CEACAM21: variants seen among roughly 807,000 people sequenced by gnomAD.
CEACAM21 encodes the protein CEA cell adhesion molecule 21, also known as cell adhesion molecule CEACAM21.
Under a neutral mutation model 33.2 loss-of-function variants are expected in CEACAM21, and 38 were observed. The observed-to-expected ratio is 1.14, with a 90% CI of 0.88 to 1.50. The LOEUF is 1.50. CEACAM21 is among the 40% of genes most tolerant of loss of function. The probability of loss-of-function intolerance (pLI) is 0.00; values close to 1 mark genes in which losing one functional copy is unlikely to be tolerated. For missense variants in CEACAM21, 385 were observed against 364.6 expected, an observed-to-expected ratio of 1.06 and a Z score of -0.46; for synonymous variants, 156 against 143.0, an observed-to-expected ratio of 1.09 and a Z score of -0.65.
intron 2 of CEACAM21, among the ~76,000 whole-genome samples, chr19:41,567,861 T>C (rs1260818895): frequency 6.7e-6 from 1 of 150,180 alleles, no homozygotes; most frequent in Non-Finnish European, 1.5e-5. Flanking sequence ...ATAGTGAGGA[T>C]TGGGAATGTG....
chr19:41,567,453 T>C (rs1462421202), intron 2 of CEACAM21, among the ~76,000 whole-genome samples: 2 of 152,152 alleles, frequency 1.3e-5, no homozygotes, highest in African/African-American at 4.8e-5. Flanking sequence ...GCAGCCCTGT[T>C]TGAATGGTCA....
At chr19:41,567,090 G>T (rs1454995884) in intron 2 of CEACAM21, among the ~76,000 whole-genome samples, 1 of 151,950 alleles carries the variant, frequency 6.6e-6, no homozygotes, top group Non-Finnish European at 1.5e-5. Flanking sequence ...AGATAGGAAT[G>T]GTCCAGGGTG....
chr19:41,585,364 C>G, intron 4 of CEACAM21, 79 bp from the exon 5 acceptor site: 2 of 1,459,532 alleles, frequency 1.4e-6, no homozygotes, highest in Non-Finnish European at 1.9e-6. Context: ...GAAATAGGCT[C>G]CTTTCCTGGT....
At chr19:41,566,795 G>A (rs2042291849) in intron 2 of CEACAM21, among the ~76,000 whole-genome samples, 1 of 152,130 alleles carries the variant, frequency 6.6e-6, no homozygotes, top group Non-Finnish European at 1.5e-5. Context: ...ATTGTTGTCA[G>A]TAAATAAAAA....
chr19:41,578,932 A>C (rs1953341218), intron 2 of CEACAM21, among the ~76,000 whole-genome samples: 1 of 152,218 alleles, frequency 6.6e-6, no homozygotes, highest in South Asian at 2.1e-4. Context: ...ATGAAAAAAG[A>C]AAGGAATAAT....
In CEACAM21 at chr19:41,577,226, C is replaced by A. The variant is rs781969000; in HGVS notation, c.91C>A (p.Pro31Thr). 1 of 1,613,300 alleles carries A rather than the reference C, an allele frequency of 6.2e-7. No individual in the cohort carries two copies. The highest frequency in any genetic ancestry group is 1.7e-5 in the Admixed American group (1 of 59,972). ...CTCACTTTTAACTTTCTGGAACGCA[C>A]CCACCACTGCCTGGCTCTTTATTGC... ...TASLLTFWNA[P>T]TTAWLFIASA... The change falls in exon 2 of 7, where the codon CCC becomes ACC. Residue 31 changes from proline (P) to threonine (T), a missense_variant. Transcript: ENST00000401445.
At chr19:41,568,064 C>G (rs1555788674) in intron 2 of CEACAM21, among the ~76,000 whole-genome samples, 5 of 151,960 alleles carry the variant, frequency 3.3e-5, no homozygotes. Flanking sequence ...GAACAAGTGG[C>G]CTTTGAGGAT....
chr19:41,585,456 A>G lies in CEACAM21; in HGVS notation c.811A>G (p.Ser271Gly), dbSNP rs1193893286. ...GACCTTTCCTAGGGCCAGCGATCAG[A>G]GTGACTTCAGGGAGCAGCAGCCCCC... ...LRKTGRASDQ[S>G]DFREQQPPAS... The change falls in exon 5 of 7, where the codon AGT (serine) becomes GGT (glycine). Residue 271 changes from serine (S) to glycine (G), a missense_variant. Transcript: ENST00000401445. 6 of 1,613,668 alleles carry G rather than the reference A, an allele frequency of 3.7e-6. No homozygotes were observed. Among genetic ancestry groups the G allele is most frequent in the Non-Finnish European group, 5.1e-6 (6 of 1,179,798 alleles).
chr19:41,559,944 G>T (rs1555786416), intron 1 of CEACAM21, among the ~76,000 whole-genome samples: 1 of 152,068 alleles, frequency 6.6e-6, no homozygotes, highest in African/African-American at 2.4e-5. Context: ...TGTGAACAAC[G>T]TTGCATCTCA....
At chr19:41,559,728 A>G (rs2041758064) in intron 1 of CEACAM21, among the ~76,000 whole-genome samples, 1 of 152,238 alleles carries the variant, frequency 6.6e-6, no homozygotes, top group Non-Finnish European at 1.5e-5. Flanking sequence ...CAATGAAAGG[A>G]CACTGAGCAC....
chr19:41,566,722 T>G (rs561910256), intron 2 of CEACAM21, among the ~76,000 whole-genome samples: 1 of 152,332 alleles, frequency 6.6e-6, no homozygotes, highest in African/African-American at 2.4e-5. Flanking sequence ...GAGAATTGGT[T>G]GAGGAGGAGC....
chr19:41,579,406 G>A lies in CEACAM21; in HGVS notation c.478G>A (p.Gly160Ser), dbSNP rs1600260892. 9 of 1,613,930 alleles carry A rather than the reference G, an allele frequency of 5.6e-6. No individual in the cohort carries two copies. In the East Asian group the frequency reaches 1.3e-4, roughly 24 times the overall value. ...QASSTTVTEK[G>S]SVVLTCHTNN... is the part of the protein sequence containing the mutation. Reference sequence around the variant, plus strand: ...CAGCAGCACCACAGTCACAGAGAAGGGCTCCGTGGTCCTGACCTGCCACAC... The same window carrying A: ...CAGCAGCACCACAGTCACAGAGAAGAGCTCCGTGGTCCTGACCTGCCACAC... Residue 160 changes from glycine (G) to serine (S), a missense_variant, in exon 3 of 7, where the codon GGC (glycine) becomes AGC (serine). Physicochemically the swap from Gly to Ser is moderately conservative, Grantham distance 56 (BLOSUM62 0). Transcript: ENST00000401445.
chr19:41,584,457 T>A lies in CEACAM21; in HGVS notation c.797+14T>A. The A allele has an allele frequency of 6.3e-7, 1 of 1,594,384 alleles. No homozygotes were observed. The highest frequency in any genetic ancestry group is 8.6e-7 in the Non-Finnish European group (1 of 1,169,490). On this transcript the variant is annotated intron_variant, in intron 4 of 6. Coordinates refer to ENST00000401445, the MANE Select transcript of CEACAM21 (RefSeq NM_001098506.4). ...AAAAACTGGCAGGTACCACAGCTTT[T>A]CCCCATTCTGCTCCCATCCTTCACG...
chr19:41,585,408 C>T, intron 4 of CEACAM21, 35 bp from the exon 5 acceptor site: 2 of 1,612,272 alleles, frequency 1.2e-6, no homozygotes, highest in East Asian at 2.2e-5. Flanking sequence ...GACTTTTAAC[C>T]TTGCACCTTC....
chr19:41,572,137 T>C (rs2042652800), upstream of CEACAM21, among the ~76,000 whole-genome samples: 1 of 152,100 alleles, frequency 6.6e-6, no homozygotes, highest in Non-Finnish European at 1.5e-5. Flanking sequence ...ACATTGCCAG[T>C]GCTAAAACTA....
Position 41,577,308 on chromosome 19 carries a change from T to C in CEACAM21, c.173T>C (p.Leu58Pro), listed in dbSNP as rs782218100. The C allele has an allele frequency of 6.2e-7, 1 of 1,614,134 alleles. No homozygotes were observed. The highest frequency in any genetic ancestry group is 1.1e-5 in the South Asian group (1 of 91,084). ...AATGTTCATCTCTCTGTGGTTTATC[T>C]GCCCGAGAATCTTTACAGCTATGGC... The part of the protein sequence containing the change: ...GENVHLSVVY[L>P]PENLYSYGWY... Residue 58 changes from leucine to proline, a missense_variant, in exon 2 of 7, where the codon CTG (leucine) becomes CCG (proline). Transcript: ENST00000401445.
chr19:41,586,042 C>A lies in CEACAM21; in HGVS notation c.*171C>A, dbSNP rs372942195. The A allele has an allele frequency of 3.5e-5, 24 of 687,050 alleles. No homozygotes were observed. The South Asian group carries it at 3.6e-4, about 10-fold the overall frequency. The allele number at this position is 687,050 out of a possible 1,614,324, so 42.6% of individuals were successfully genotyped here. ...CTCTGTTCAGGGCCAGGATCATCCA[C>A]TCCCTGTGCTAACCCCACCCTGGGA... On this transcript the variant is annotated intron_variant, in intron 6 of 6. Transcript: ENST00000401445.
At chr19:41,576,761 A>G (rs1351005653) in intron 1 of CEACAM21, among the ~76,000 whole-genome samples, 2 of 151,934 alleles carry the variant, frequency 1.3e-5, no homozygotes, top group African/African-American at 4.8e-5. Context: ...AACTAACATC[A>G]CTCAAGTCCA....
rs1446042839 is a variant in CEACAM21, at chr19:41,560,297, G to A, written c.-778-4385G>A. Among the ~76,000 whole-genome samples, 12 of 151,610 alleles carry A rather than the reference G, an allele frequency of 7.9e-5. 1 individual carries two copies. In the South Asian group the frequency reaches 1.3e-3, roughly 16 times the overall value. On this transcript the variant is annotated intron_variant, in intron 1 of 7. Transcript: ENST00000407170. ...GAGTACAGTGGCACAATCATAGTTC[G>A]CTGCAGCCTCAAATTCCTAGGCTCA...
Sources: allele counts gnomAD v4.1 joint callset (sites outside exome capture counted in the v4.1 genomes callset), GRCh38; gene constraint gnomAD v4.1.1; transcripts MANE v1.5; gene names NCBI Gene and HGNC (gene_info 2026-07-23, HGNC 2026-07-21).